Variants in MRPL1 observed in about 807,000 individuals in gnomAD.
MRPL1 encodes mitochondrial ribosomal protein L1, also known as large ribosomal subunit protein uL1m.
Under a neutral mutation model 38.0 loss-of-function variants are expected in MRPL1, and 28 were observed. That is an observed-to-expected ratio of 0.74 (90% CI 0.55 to 1.01). MRPL1 has a LOEUF of 1.01. Among genes scored for constraint, MRPL1 ranks in the 50% least tolerant of loss-of-function variants. MRPL1 has a pLI of 0.00. For synonymous variants in MRPL1, 123 were observed against 126.7 expected (o/e 0.97, Z 0.20); for missense variants, 358 against 389.8 (o/e 0.92, Z 0.69).
At chr4:77,927,627 C>G (rs946824225) in intron 7 of MRPL1, among the ~76,000 whole-genome samples, 1 of 151,570 alleles carries the variant, frequency 6.6e-6, no homozygotes, top group Non-Finnish European at 1.5e-5. Flanking sequence ...ATATTTAATT[C>G]AAATATAAAA....
At chr4:77,912,461 A>G (rs1018030528) in intron 7 of MRPL1, among the ~76,000 whole-genome samples, 1 of 152,220 alleles carries the variant, frequency 6.6e-6, no homozygotes, top group Non-Finnish European at 1.5e-5. Context: ...CATTTGTAGT[A>G]ATAGCAAATA....
In MRPL1 at chr4:77,948,856, C is replaced by T. The variant is rs185655403; in HGVS notation, c.778-941C>T. Among the ~76,000 whole-genome samples, 20 of 151,648 alleles carry T rather than the reference C, an allele frequency of 1.3e-4. No individual in the cohort carries two copies. In the East Asian group the frequency reaches 2.5e-3, roughly 19 times the overall value. On this transcript the variant is annotated intron_variant, in intron 7 of 8. Coordinates refer to ENST00000315567, the MANE Select transcript of MRPL1 (RefSeq NM_020236.4). ...CACAATCTCAGCTCACTGCAACCTC[C>T]GCCTCCTGGGACCAAGCGATTCTCC...
At chr4:77,894,320 A>G in intron 6 of MRPL1, 70 bp downstream of exon 6, 1 of 966,070 alleles carries the variant, frequency 1.0e-6, no homozygotes, top group Non-Finnish European at 1.6e-6. Flanking sequence ...GTTAGGAAAC[A>G]AAGTTGTTCA....
At chr4:77,870,074 T>G (rs1301736105) in intron 1 of MRPL1, among the ~76,000 whole-genome samples, 1 of 152,106 alleles carries the variant, frequency 6.6e-6, no homozygotes, top group Non-Finnish European at 1.5e-5. Flanking sequence ...TTAAATTTTT[T>G]GTAGAGATGG....
At chr4:77,948,826 A>G (rs1165510829) in intron 7 of MRPL1, among the ~76,000 whole-genome samples, 2 of 146,706 alleles carry the variant, frequency 1.4e-5, no homozygotes, top group African/African-American at 5.1e-5. Context: ...GCTGGAGTGC[A>G]GTGGCACAAT....
At chr4:77,951,410 G>T (rs1737404323) in intron 8 of MRPL1, among the ~76,000 whole-genome samples, 1 of 152,204 alleles carries the variant, frequency 6.6e-6, no homozygotes, top group Non-Finnish European at 1.5e-5. Flanking sequence ...TGAATTATTA[G>T]TGAGTGTGTG....
In MRPL1 at chr4:77,862,885, G is replaced by A; in HGVS notation, c.31+6G>A. 1.2e-6 allele frequency: 2 copies of A among 1,614,166 alleles called. No homozygotes were observed. The highest frequency in any genetic ancestry group is 1.7e-6 in the Non-Finnish European group (2 of 1,180,016). On this transcript the variant is annotated splice_donor_region_variant and intron_variant, in intron 1 of 8. Coordinates refer to ENST00000315567, the MANE Select transcript of MRPL1 (RefSeq NM_020236.4). ...CGTAAGGTGCATGGGTAGAGGTAAG[G>A]CGAGGGGTTGTCTTGCAGGGGAAAT... is the stretch of plus-strand genomic sequence containing the variant.
At chr4:77,901,839 C>T (rs565851964) in intron 6 of MRPL1, among the ~76,000 whole-genome samples, 39 of 152,324 alleles carry the variant, frequency 2.6e-4, no homozygotes, top group African/African-American at 8.9e-4. Context: ...TTGAACAACA[C>T]TCTTAGTCAT....
At chr4:77,920,711 G>T (rs575999632) in intron 7 of MRPL1, among the ~76,000 whole-genome samples, 38 of 152,252 alleles carry the variant, frequency 2.5e-4, no homozygotes, top group African/African-American at 8.9e-4. Flanking sequence ...TCTAAAGGAA[G>T]AAGGGTGATT....
intron 3 of MRPL1, among the ~76,000 whole-genome samples, chr4:77,884,329 C>G (rs1005683021): frequency 2.0e-5 from 3 of 151,714 alleles, no homozygotes; most frequent in African/African-American, 7.3e-5. Flanking sequence ...TAAGGTTTTT[C>G]TAAAAATATT....
At chr4:77,870,570 T>C (rs952690636) in intron 1 of MRPL1, among the ~76,000 whole-genome samples, 9 of 152,206 alleles carry the variant, frequency 5.9e-5, no homozygotes, top group African/African-American at 2.2e-4. Context: ...CTAATACCTT[T>C]AGGTGAAAAA....
intron 7 of MRPL1, among the ~76,000 whole-genome samples, chr4:77,932,703 T>A (rs1383846279): frequency 6.6e-6 from 1 of 152,078 alleles, no homozygotes; most frequent in African/African-American, 2.4e-5. Flanking sequence ...CCCCCACTGA[T>A]TCTACAGCAT....
chr4:77,926,051 A>G (rs1198999098), intron 7 of MRPL1, among the ~76,000 whole-genome samples: 1 of 152,242 alleles, frequency 6.6e-6, no homozygotes, highest in African/African-American at 2.4e-5. Context: ...AAAGCCAAAC[A>G]CAATCTAAAC....
At chr4:77,904,553 C>CA (rs981862925) in intron 6 of MRPL1, among the ~76,000 whole-genome samples, 6 of 147,822 alleles carry the variant, frequency 4.1e-5, no homozygotes, top group East Asian at 2.0e-4. Context: ...GACTGTGTCT[C>CA]AAAAAAAAGA....
intron 2 of MRPL1, among the ~76,000 whole-genome samples, chr4:77,882,392 T>A (rs1735562860): frequency 6.6e-6 from 1 of 152,238 alleles, no homozygotes; most frequent in African/African-American, 2.4e-5. Context: ...GTTAGTATAC[T>A]CACAGTTGTG....
At chr4:77,879,885 T>C (rs975763565) in intron 2 of MRPL1, among the ~76,000 whole-genome samples, 1 of 152,222 alleles carries the variant, frequency 6.6e-6, no homozygotes, top group Non-Finnish European at 1.5e-5. Flanking sequence ...TGTCATTATC[T>C]AATATTCTGT....
intron 1 of MRPL1, 192 bp downstream of exon 1, chr4:77,863,071 G>C (rs372407916): frequency 6.1e-6 from 4 of 656,214 alleles, no homozygotes; most frequent in African/African-American, 5.5e-5. Flanking sequence ...TTCTGGAGAC[G>C]TCCACCCTGA....
chr4:77,898,664 T>G lies in MRPL1; in HGVS notation c.670+4414T>G, dbSNP rs58025324. Among the ~76,000 whole-genome samples the G allele has an allele frequency of 5.2e-3, 797 of 152,124 alleles. 7 individuals carry two copies. Among genetic ancestry groups the G allele is most frequent in the African/African-American group, 0.018 (749 of 41,474 alleles). ...CGCCACCATGCCCAGGTAATTTTTT[T>G]TGTATTTTTAGTAGAGATGGGGTTT... On this transcript the variant is annotated intron_variant, in intron 6 of 8. Coordinates refer to ENST00000315567, the MANE Select transcript of MRPL1 (RefSeq NM_020236.4).
intron 7 of MRPL1, among the ~76,000 whole-genome samples, chr4:77,911,416 A>G (rs1736284597): frequency 7.8e-6 from 1 of 128,526 alleles, no homozygotes; most frequent in Admixed American, 7.4e-5. Context: ...ACTAAGTAGT[A>G]GATCAGAGGA....
Sources: gnomAD v4.1 joint callset for allele counts (sites outside exome capture counted in the v4.1 genomes callset) on GRCh38, gnomAD v4.1.1 for gene constraint, MANE v1.5 for transcripts, NCBI Gene and HGNC (gene_info 2026-07-23, HGNC 2026-07-21) for gene names.